KCNJ16: variants seen among roughly 807,000 people sequenced by gnomAD.
KCNJ16 encodes the protein inward rectifier potassium channel 16.
KCNJ16 carries 15 observed loss-of-function variants against 18.5 expected under a neutral mutation model. The observed-to-expected ratio is 0.81, with a 90% CI of 0.54 to 1.25. The LOEUF (loss-of-function observed/expected upper bound fraction) is 1.25, where lower values mean the gene tolerates loss of function less well. Among genes scored for constraint, KCNJ16 ranks in the 50% most tolerant of loss-of-function variants. The pLI, the probability that KCNJ16 is intolerant of heterozygous loss-of-function variation, is 0.00. For missense variants in KCNJ16, 523 were observed against 525.7 expected (o/e 0.99, Z 0.05); for synonymous variants, 174 against 186.5 (o/e 0.93, Z 0.55).
intron 1 of KCNJ16, among the ~76,000 whole-genome samples, chr17:70,097,229 T>C (rs1274611068): frequency 1.3e-5 from 2 of 152,244 alleles, no homozygotes; most frequent in South Asian, 2.1e-4. Context: ...GACATGTCAA[T>C]GGCACAACCC....
chr17:70,106,227 T>A (rs949957035), intron 2 of KCNJ16, among the ~76,000 whole-genome samples: 7 of 152,208 alleles, frequency 4.6e-5, no homozygotes, highest in South Asian at 4.1e-4. Context: ...TTATTTTTTT[T>A]AAAAAAGATT....
chr17:70,127,632 C>T (rs1372549253), intron 2 of KCNJ16, among the ~76,000 whole-genome samples: 1 of 151,748 alleles, frequency 6.6e-6, no homozygotes, highest in Non-Finnish European at 1.5e-5. Flanking sequence ...CCTCCCGTCT[C>T]CTCCTCCTCC....
intron 2 of KCNJ16, among the ~76,000 whole-genome samples, chr17:70,128,447 A>T (rs2073935564): frequency 6.6e-6 from 1 of 152,152 alleles, no homozygotes; most frequent in African/African-American, 2.4e-5. Context: ...GGATGAAGTA[A>T]ATCAGGGAGT....
chr17:70,123,890 G>C (rs1025265207), intron 2 of KCNJ16, among the ~76,000 whole-genome samples: 1 of 152,160 alleles, frequency 6.6e-6, no homozygotes, highest in African/African-American at 2.4e-5. Flanking sequence ...TAAATGAGTT[G>C]AAAGGCTGTT....
chr17:70,127,052 T>C (rs1437412988), intron 2 of KCNJ16, among the ~76,000 whole-genome samples: 2 of 152,218 alleles, frequency 1.3e-5, no homozygotes, highest in Non-Finnish European at 2.9e-5. Context: ...AACCCCTTTC[T>C]ATAGTAAACT....
chr17:70,076,278 C>T (rs1332115435), intron 1 of KCNJ16, among the ~76,000 whole-genome samples: 1 of 152,084 alleles, frequency 6.6e-6, no homozygotes, highest in Non-Finnish European at 1.5e-5. Flanking sequence ...TATGAATGCA[C>T]CTTTGTTACT....
chr17:70,093,807 T>C (rs1234771675), intron 1 of KCNJ16, among the ~76,000 whole-genome samples: 2 of 152,132 alleles, frequency 1.3e-5, no homozygotes, highest in Non-Finnish European at 2.9e-5. Context: ...TTTCTACTTA[T>C]TATTTAAATC....
At chr17:70,126,673 G>A (rs1222054657) in intron 2 of KCNJ16, among the ~76,000 whole-genome samples, 1 of 152,152 alleles carries the variant, frequency 6.6e-6, no homozygotes, top group Non-Finnish European at 1.5e-5. Context: ...CTGCAATACC[G>A]AAAACCATTT....
chr17:70,092,579 A>ATAGG (rs2072167448), intron 1 of KCNJ16, among the ~76,000 whole-genome samples: 2 of 150,238 alleles, frequency 1.3e-5, no homozygotes, highest in Admixed American at 6.6e-5. Flanking sequence ...AGATAGATAG[A>ATAGG]TAGATAGATA....
At chr17:70,094,626 G>A (rs1161338599) in intron 1 of KCNJ16, among the ~76,000 whole-genome samples, 1 of 39,246 alleles carries the variant, frequency 2.5e-5, no homozygotes, top group Admixed American at 2.3e-4. Flanking sequence ...AAGGTGGGGG[G>A]AATAACATAT....
intron 2 of KCNJ16, among the ~76,000 whole-genome samples, chr17:70,103,557 C>G (rs1034692508): frequency 6.6e-6 from 1 of 151,956 alleles, no homozygotes; most frequent in Non-Finnish European, 1.5e-5. Flanking sequence ...TCTCAGTCTT[C>G]TTAGTTATAG....
At position 70,132,638 on chromosome 17, in the gene KCNJ16, T is replaced by G. The variant is rs770650883; in HGVS notation, c.551T>G (p.Phe184Cys). The G allele has an allele frequency of 1.2e-6, 2 of 1,614,228 alleles. No individual in the cohort carries two copies. Among genetic ancestry groups the G allele is most frequent in the Non-Finnish European group, 1.7e-6 (2 of 1,180,032 alleles). The part of the protein sequence containing the change: ...TARKRAQTIR[F>C]SYFALIGMRD... ...CGAAAGAGAGCCCAAACCATTCGTT[T>G]CAGCTACTTTGCACTTATAGGTATG... is the stretch of plus-strand genomic sequence containing the variant. The change falls in exon 4 of 4, where the codon TTC becomes TGC. Residue 184 changes from phenylalanine to cysteine, a missense_variant. By Grantham distance (205) the Phe-to-Cys change is radical. Coordinates refer to ENST00000392671, the MANE Select transcript of KCNJ16 (RefSeq NM_170741.4).
At chr17:70,082,765 T>G (rs988500912) in intron 1 of KCNJ16, among the ~76,000 whole-genome samples, 2 of 152,170 alleles carry the variant, frequency 1.3e-5, no homozygotes, top group Non-Finnish European at 2.9e-5. Flanking sequence ...AAGATGGTAG[T>G]AGAAATTCAC....
intron 2 of KCNJ16, among the ~76,000 whole-genome samples, chr17:70,114,102 T>C (rs1193255576): frequency 6.6e-6 from 1 of 152,080 alleles, no homozygotes; most frequent in East Asian, 1.9e-4. Flanking sequence ...ACAGGGAAAA[T>C]GGGAATTGAG....
intron 1 of KCNJ16, among the ~76,000 whole-genome samples, chr17:70,077,510 T>G (rs2071365392): frequency 6.6e-6 from 1 of 152,040 alleles, no homozygotes; most frequent in South Asian, 2.1e-4. Context: ...ACATGAAACT[T>G]GTAAGGGAAA....
At chr17:70,084,394 C>T (rs2071698495) in intron 1 of KCNJ16, among the ~76,000 whole-genome samples, 2 of 152,226 alleles carry the variant, frequency 1.3e-5, no homozygotes. Flanking sequence ...CCACCTGATG[C>T]GTGTTATGAT....
intron 2 of KCNJ16, among the ~76,000 whole-genome samples, chr17:70,129,248 G>A (rs915170866): frequency 2.6e-5 from 4 of 152,176 alleles, no homozygotes; most frequent in Non-Finnish European, 5.9e-5. Context: ...AGAAAATTAC[G>A]AAAGCATCGA....
At chr17:70,098,953 T>A (rs1297664706) in intron 1 of KCNJ16, among the ~76,000 whole-genome samples, 2 of 152,214 alleles carry the variant, frequency 1.3e-5, no homozygotes, top group Admixed American at 1.3e-4. Context: ...TCACAAGAGC[T>A]AACTGTTTAC....
chr17:70,118,175 A>C (rs2073485565), intron 2 of KCNJ16, among the ~76,000 whole-genome samples: 1 of 151,694 alleles, frequency 6.6e-6, no homozygotes, highest in African/African-American at 2.4e-5. Context: ...GGGTAATTTA[A>C]AACCTAGGTG....
Sources: allele counts gnomAD v4.1 joint callset (sites outside exome capture counted in the v4.1 genomes callset), GRCh38; gene constraint gnomAD v4.1.1; transcripts MANE v1.5; gene names NCBI Gene and HGNC (gene_info 2026-07-23, HGNC 2026-07-21).